The following RASGRF2 variants were observed in gnomAD, a reference collection of about 807,000 sequenced individuals.
RASGRF2 encodes Ras protein specific guanine nucleotide releasing factor 2, also known as ras-specific guanine nucleotide-releasing factor 2.
RASGRF2 carries 76 observed loss-of-function variants against 151.0 expected under a neutral mutation model. That is an observed-to-expected ratio of 0.50 (90% CI 0.42 to 0.61). The LOEUF (loss-of-function observed/expected upper bound fraction) is 0.61. RASGRF2 is among the 20% of genes least tolerant of loss of function. The probability of loss-of-function intolerance (pLI) is 0.00; values close to 1 mark genes in which losing one functional copy is unlikely to be tolerated. For missense variants in RASGRF2, 1,148 were observed against 1,564.6 expected (o/e 0.73, Z 4.49); for synonymous variants, 504 against 566.5 (o/e 0.89, Z 1.57).
intron 17 of RASGRF2, among the ~76,000 whole-genome samples, chr5:81,168,059 C>CA (rs940597635): frequency 2.0e-5 from 3 of 152,030 alleles, no homozygotes; most frequent in African/African-American, 7.2e-5. Flanking sequence ...TACAAATGGT[C>CA]AAGGATGACC....
intron 1 of RASGRF2, among the ~76,000 whole-genome samples, chr5:80,965,693 A>G (rs1430118753): frequency 6.6e-6 from 1 of 152,192 alleles, no homozygotes; most frequent in Non-Finnish European, 1.5e-5. Context: ...CCTTCTTTTG[A>G]CAATTAAAAA....
In RASGRF2 at chr5:80,967,178, CAGGAGTTAG is replaced by C. The variant is rs1453965701; in HGVS notation, c.288+6155_288+6163del. Among the ~76,000 whole-genome samples, 8 of 152,230 alleles carry C rather than the reference CAGGAGTTAG, an allele frequency of 5.3e-5. No homozygotes were observed. In the South Asian group the frequency reaches 1.0e-3, roughly 20 times the overall value. On this transcript the variant is annotated intron_variant, in intron 1 of 26. Transcript: ENST00000265080. ...TCGAGGCAGGTGGATCACCTGAGGT[CAGGAGTTAG>C]AGACCAGCCTGACCAACATGGCGAA...
At chr5:81,108,880 G>GTGTGTGTGT in intron 12 of RASGRF2, 116 bp from the exon 13 acceptor site, 1 of 1,200,186 alleles carries the variant, frequency 8.3e-7, no homozygotes, top group East Asian at 3.2e-5. Flanking sequence ...GTGTGTGTGT[G>GTGTGTGTGT]TAAGAGACAG....
intron 17 of RASGRF2, among the ~76,000 whole-genome samples, chr5:81,129,390 AAG>A (rs925379636): frequency 2.6e-5 from 4 of 152,176 alleles, no homozygotes; most frequent in African/African-American, 7.2e-5. Context: ...GAGGACCAAA[AAG>A]AGATGTTCTC....
At chr5:81,059,259 C>T (rs1245100908) in intron 2 of RASGRF2, among the ~76,000 whole-genome samples, 1 of 151,938 alleles carries the variant, frequency 6.6e-6, no homozygotes, top group Non-Finnish European at 1.5e-5. Flanking sequence ...TGGCAGGCGC[C>T]TGTAGTCCCA....
At chr5:80,982,341 T>C (rs999795780) in intron 1 of RASGRF2, among the ~76,000 whole-genome samples, 11 of 152,134 alleles carry the variant, frequency 7.2e-5, no homozygotes, top group Non-Finnish European at 1.5e-4. Context: ...GTAAAGGCTA[T>C]ACATATTCTT....
intron 22 of RASGRF2, 68 bp downstream of exon 22, chr5:81,208,506 C>CAATA: frequency 2.3e-6 from 2 of 862,674 alleles, no homozygotes; most frequent in Non-Finnish European, 3.5e-6. Context: ...CTAAAGACTC[C>CAATA]TCTAAAACAA....
intron 18 of RASGRF2, among the ~76,000 whole-genome samples, chr5:81,188,188 C>T (rs922084979): frequency 9.9e-5 from 15 of 152,192 alleles, no homozygotes; most frequent in African/African-American, 3.6e-4. Flanking sequence ...TTCTGTCACA[C>T]TCCTGGCCTG....
chr5:81,181,036 A>C (rs1474135239), intron 18 of RASGRF2, among the ~76,000 whole-genome samples: 1 of 152,090 alleles, frequency 6.6e-6, no homozygotes, highest in African/African-American at 2.4e-5. Context: ...AGCATTTGAG[A>C]GAGAGAATGG....
intron 1 of RASGRF2, among the ~76,000 whole-genome samples, chr5:81,012,679 C>T (rs111695813): frequency 7.9e-5 from 12 of 152,184 alleles, no homozygotes; most frequent in African/African-American, 2.2e-4. Flanking sequence ...ACAACTCCGA[C>T]GCAGTTTTTA....
intron 1 of RASGRF2, among the ~76,000 whole-genome samples, chr5:81,030,514 G>C (rs564678006): frequency 1.3e-5 from 2 of 152,162 alleles, no homozygotes; most frequent in African/African-American, 4.8e-5. Flanking sequence ...TTAAAGAAAA[G>C]AATTTTCAAC....
Position 81,135,033 on chromosome 5 carries a change from G to A in RASGRF2, c.2686+7870G>A, listed in dbSNP as rs1753719692. Among the ~76,000 whole-genome samples the A allele has an allele frequency of 2.6e-5, 4 of 151,908 alleles. No individual in the cohort carries two copies. The South Asian group carries it at 8.3e-4, about 32-fold the overall frequency. ...TTAAAGCCTACAGTTCAAGCTGGGTGTGATGGCTTATCCCTCTAATCCCAA... is the reference window on the plus strand; with the variant it reads ...TTAAAGCCTACAGTTCAAGCTGGGTATGATGGCTTATCCCTCTAATCCCAA... On this transcript the variant is annotated intron_variant, in intron 17 of 26. Coordinates refer to ENST00000265080, the MANE Select transcript of RASGRF2 (RefSeq NM_006909.3).
At chr5:81,039,183 T>C (rs933920190) in intron 1 of RASGRF2, among the ~76,000 whole-genome samples, 2 of 152,212 alleles carry the variant, frequency 1.3e-5, no homozygotes, top group Admixed American at 1.3e-4. Flanking sequence ...CCTATTCATA[T>C]GGTAAGTTAT....
chr5:80,969,794 A>G (rs1747863316), intron 1 of RASGRF2, among the ~76,000 whole-genome samples: 1 of 137,660 alleles, frequency 7.3e-6, no homozygotes, highest in Admixed American at 7.5e-5. Flanking sequence ...TCCTACACAG[A>G]TGCCAATAAT....
intron 9 of RASGRF2, 140 bp from the exon 10 acceptor site, chr5:81,092,661 A>G (rs949253520): frequency 3.2e-5 from 24 of 750,366 alleles, no homozygotes; most frequent in South Asian, 2.9e-4. Context: ...ACTGGAAGAG[A>G]GTTACTTGTT....
chr5:81,217,144 G>A (rs899514548), intron 24 of RASGRF2: 11 of 676,402 alleles, frequency 1.6e-5, no homozygotes, highest in Admixed American at 1.0e-4. Flanking sequence ...TTTCAAACAC[G>A]TAGTAAAGCA....
At chr5:81,143,417 G>T (rs545614181) in intron 17 of RASGRF2, among the ~76,000 whole-genome samples, 51 of 151,468 alleles carry the variant, frequency 3.4e-4, no homozygotes, top group Non-Finnish European at 6.2e-4. Flanking sequence ...CAAAGTGCTG[G>T]GATTACAGGT....
At chr5:81,001,709 T>C (rs1239202439) in intron 1 of RASGRF2, among the ~76,000 whole-genome samples, 1 of 152,200 alleles carries the variant, frequency 6.6e-6, no homozygotes, top group Non-Finnish European at 1.5e-5. Flanking sequence ...TTCGAGACAA[T>C]TGTACCCTGA....
intron 2 of RASGRF2, among the ~76,000 whole-genome samples, chr5:81,060,687 C>T (rs976412421): frequency 6.6e-6 from 1 of 152,132 alleles, no homozygotes; most frequent in African/African-American, 2.4e-5. Flanking sequence ...TTTGGACTCG[C>T]AGGAACCCAG....
Sources: gnomAD v4.1 joint callset for allele counts (sites outside exome capture counted in the v4.1 genomes callset) on GRCh38, gnomAD v4.1.1 for gene constraint, MANE v1.5 for transcripts, NCBI Gene and HGNC (gene_info 2026-07-23, HGNC 2026-07-21) for gene names.